Variants in NEK11 observed in about 807,000 individuals in gnomAD.
The protein encoded by NEK11 is NIMA related kinase 11, also known as serine/threonine-protein kinase Nek11.
In NEK11, 72 loss-of-function variants were observed where a neutral mutation model predicts 80.7. The observed-to-expected ratio is 0.89, with a 90% CI of 0.74 to 1.08. NEK11 has a LOEUF of 1.08. Ranked by LOEUF, NEK11 falls within the 50% of genes least tolerant of loss-of-function variation. NEK11 has a pLI of 0.00. For synonymous variants in NEK11, 251 were observed against 260.7 expected (o/e 0.96, Z 0.36); for missense variants, 764 against 763.6 (o/e 1.00, Z -0.01).
intron 14 of NEK11, among the ~76,000 whole-genome samples, chr3:131,197,887 C>G (rs879654104): frequency 1.4e-4 from 22 of 151,936 alleles, no homozygotes; most frequent in Admixed American, 1.4e-3. Context: ...TTGGCGGTTC[C>G]CTTCTATTTC....
intron 16 of NEK11, among the ~76,000 whole-genome samples, chr3:131,258,498 T>C (rs2095856768): frequency 6.6e-6 from 1 of 152,178 alleles, no homozygotes. Context: ...CCCCAAACAT[T>C]GGCTAGTGTC....
chr3:131,245,301 T>TTGTGTG (rs4044352), intron 16 of NEK11, among the ~76,000 whole-genome samples: 146 of 140,798 alleles, frequency 1.0e-3, no homozygotes, highest in African/African-American at 1.2e-3. Context: ...TAGTATTCCA[T>TTGTGTG]TGTGTGTGTG....
At chr3:131,053,232 C>A (rs971031439) in intron 3 of NEK11, 1 of 152,146 alleles carries the variant, frequency 6.6e-6, no homozygotes, top group African/African-American at 2.4e-5. Flanking sequence ...AACATGCAGA[C>A]CAACTATTAA....
chr3:131,148,636 A>G (rs891040831), intron 7 of NEK11, among the ~76,000 whole-genome samples: 2 of 151,862 alleles, frequency 1.3e-5, no homozygotes, highest in Non-Finnish European at 2.9e-5. Flanking sequence ...GCTTTATAAT[A>G]TTTACTTTTG....
intron 5 of NEK11, among the ~76,000 whole-genome samples, chr3:131,126,015 C>T (rs2083272812): frequency 1.3e-5 from 2 of 152,302 alleles, no homozygotes; most frequent in Non-Finnish European, 2.9e-5. Context: ...TCTAAAGCCA[C>T]AACCCCATTT....
intron 14 of NEK11, among the ~76,000 whole-genome samples, chr3:131,203,735 G>A (rs2094334997): frequency 8.6e-6 from 1 of 116,258 alleles, no homozygotes; most frequent in Non-Finnish European, 1.8e-5. Context: ...TATTATATAT[G>A]TGTATATATA....
At chr3:131,063,474 C>T (rs2071299920) in intron 3 of NEK11, among the ~76,000 whole-genome samples, 1 of 152,076 alleles carries the variant, frequency 6.6e-6, no homozygotes, top group Admixed American at 6.6e-5. Flanking sequence ...GGGCAACTGT[C>T]CTTTTTCTCA....
chr3:131,132,392 G>A (rs2149585037), intron 5 of NEK11, among the ~76,000 whole-genome samples: 1 of 151,978 alleles, frequency 6.6e-6, no homozygotes, highest in East Asian at 1.9e-4. Flanking sequence ...GGACATTTGG[G>A]TAATAATAGA....
chr3:131,061,706 A>G (rs967289233), intron 3 of NEK11, among the ~76,000 whole-genome samples: 18 of 152,218 alleles, frequency 1.2e-4, no homozygotes, highest in Admixed American at 3.3e-4. Context: ...GCAACAAAAT[A>G]AGACTTAGCA....
chr3:131,259,860 A>T (rs2095881787), intron 16 of NEK11, among the ~76,000 whole-genome samples: 1 of 152,148 alleles, frequency 6.6e-6, no homozygotes, highest in African/African-American at 2.4e-5. Flanking sequence ...TCCTTCAAGG[A>T]GGATCTGCAT....
chr3:131,262,200 A>G (rs1161027054), intron 16 of NEK11, among the ~76,000 whole-genome samples: 2 of 152,174 alleles, frequency 1.3e-5, no homozygotes, highest in Non-Finnish European at 2.9e-5. Context: ...AAATTTCTAG[A>G]AAGACAAAAA....
At chr3:131,045,865 CTT>C (rs2067302263) in intron 3 of NEK11, among the ~76,000 whole-genome samples, 1 of 152,190 alleles carries the variant, frequency 6.6e-6, no homozygotes, top group South Asian at 2.1e-4. Context: ...TAATGTCCCT[CTT>C]TGTCCTTTTT....
At chr3:131,245,254 G>A (rs1379745604) in intron 16 of NEK11, among the ~76,000 whole-genome samples, 2 of 151,260 alleles carry the variant, frequency 1.3e-5, no homozygotes, top group African/African-American at 2.5e-5. Context: ...CTATGTTGCT[G>A]CAAAATTCAT....
chr3:131,276,002 G>A (rs2096284533), intron 17 of NEK11, among the ~76,000 whole-genome samples: 1 of 152,210 alleles, frequency 6.6e-6, no homozygotes, highest in Non-Finnish European at 1.5e-5. Context: ...GAAAGGGGAA[G>A]TTGGGAGACC....
At chr3:131,058,293 C>A (rs1348231168) in intron 3 of NEK11, among the ~76,000 whole-genome samples, 2 of 152,046 alleles carry the variant, frequency 1.3e-5, no homozygotes, top group Non-Finnish European at 2.9e-5. Context: ...TTACTGTAGC[C>A]TTGTAGTATA....
intron 14 of NEK11, among the ~76,000 whole-genome samples, chr3:131,181,773 A>T (rs1407002044): frequency 6.7e-6 from 1 of 149,154 alleles, no homozygotes; most frequent in Admixed American, 6.7e-5. Flanking sequence ...AAAAGAAAAG[A>T]TAACTTTGTG....
chr3:131,096,183 C>G (rs2077401459), intron 4 of NEK11, among the ~76,000 whole-genome samples: 1 of 151,814 alleles, frequency 6.6e-6, no homozygotes, highest in African/African-American at 2.4e-5. Context: ...ATCCCCCTTC[C>G]TCCCTCCCCT....
chr3:131,113,124 T>C (rs919534966), intron 5 of NEK11, among the ~76,000 whole-genome samples: 10 of 152,196 alleles, frequency 6.6e-5, no homozygotes, highest in African/African-American at 2.4e-4. Context: ...TTGAAATGAC[T>C]GGACTTGCAA....
intron 4 of NEK11, among the ~76,000 whole-genome samples, chr3:131,089,254 T>C (rs2149124730): frequency 6.6e-6 from 1 of 152,332 alleles, no homozygotes; most frequent in Non-Finnish European, 1.5e-5. Flanking sequence ...GTGGATTTAC[T>C]GAGTTGGAGT....
Sources: gnomAD v4.1 joint callset for allele counts (sites outside exome capture counted in the v4.1 genomes callset) on GRCh38, gnomAD v4.1.1 for gene constraint, MANE v1.5 for transcripts, NCBI Gene and HGNC (gene_info 2026-07-23, HGNC 2026-07-21) for gene names.